FRMPD4: variants seen among roughly 807,000 people sequenced by gnomAD.
FRMPD4 encodes FERM and PDZ domain containing 4, also known as FERM and PDZ domain-containing protein 4.
In FRMPD4, 22 loss-of-function variants were observed where a neutral mutation model predicts 94.1. The observed-to-expected ratio is 0.23, with a 90% CI of 0.17 to 0.33. FRMPD4 has a LOEUF of 0.33. Among genes scored for constraint, FRMPD4 ranks in the 10% least tolerant of loss-of-function variants. The pLI, the probability that FRMPD4 is intolerant of heterozygous loss-of-function variation, is 1.00. For synonymous variants in FRMPD4, 631 were observed against 548.6 expected (o/e 1.15, Z -2.10); for missense variants, 1,111 against 1,339.9 (o/e 0.83, Z 2.67).
intron 3 of FRMPD4, among the ~76,000 whole-genome samples, chrX:12,088,437 T>A (rs1204416740): frequency 8.9e-6 from 1 of 111,879 alleles, no homozygotes; most frequent in Non-Finnish European, 1.9e-5. Flanking sequence ...AAACATTCAG[T>A]CCATTGCACA....
At chrX:11,889,952 G>A (rs926103774) in intron 3 of FRMPD4, among the ~76,000 whole-genome samples, 1 of 112,224 alleles carries the variant, frequency 8.9e-6, no homozygotes, top group Non-Finnish European at 1.9e-5. Context: ...CTAAGGCTTA[G>A]GCCTGGAAAT....
intron 2 of FRMPD4, among the ~76,000 whole-genome samples, chrX:12,560,991 G>T (rs1182422585): frequency 9.5e-6 from 1 of 105,656 alleles, no homozygotes. Context: ...GGATGGTCTC[G>T]ATCTCCTGAC....
chrX:11,941,733 G>A (rs2054161109), intron 3 of FRMPD4, among the ~76,000 whole-genome samples: 1 of 112,220 alleles, frequency 8.9e-6, no homozygotes, highest in African/African-American at 3.2e-5. Flanking sequence ...CTTAGGCAAG[G>A]GAGACTAAAG....
intron 1 of FRMPD4, among the ~76,000 whole-genome samples, chrX:12,231,009 A>ATAGTAT (rs1458353727): frequency 0.065 from 2,898 of 44,708 alleles, 259 homozygotes; most frequent in Non-Finnish European, 0.093. Context: ...TATAATATAT[A>ATAGTAT]GTATATATAG....
At chrX:11,969,005 G>A (rs1037682099) in intron 3 of FRMPD4, among the ~76,000 whole-genome samples, 1 of 112,301 alleles carries the variant, frequency 8.9e-6, no homozygotes, top group East Asian at 2.8e-4. Context: ...CCACTTATGT[G>A]AGGCAGTGAA....
rs145358416 is a variant in FRMPD4, at chrX:12,106,511, G to A, written c.95+228493G>A. On this transcript the variant is annotated intron_variant, in intron 3 of 18. Coordinates refer to the FRMPD4 transcript ENST00000640291. ...GACAGGTGATTTCTGCATTTCCAACGGACGTACCGGGTTCATCTCACTGGG... is the reference window on the plus strand; with the variant it reads ...GACAGGTGATTTCTGCATTTCCAACAGACGTACCGGGTTCATCTCACTGGG... 6.5e-3 allele frequency among the ~76,000 whole-genome samples: 716 copies of A among 110,932 alleles called. 6 individuals are homozygous for A. Among genetic ancestry groups the A allele is most frequent in the African/African-American group, 0.023 (688 of 30,505 alleles).
In FRMPD4 at chrX:12,591,866, A is replaced by G. The variant is rs894528442; in HGVS notation, c.159-17855A>G. On this transcript the variant is annotated intron_variant, in intron 2 of 16. Transcript: ENST00000675598. ...ATACCTCAAAGTATGGTGCCTTGGC[A>G]TGCTGAGTACTTTGAACTAAAGAAG... Among the ~76,000 whole-genome samples the G allele has an allele frequency of 6.3e-5, 7 of 111,675 alleles. No homozygotes were observed. The Admixed American group carries it at 6.7e-4, about 11-fold the overall frequency.
chrX:12,573,828 G>A (rs2058782802), intron 2 of FRMPD4, among the ~76,000 whole-genome samples: 1 of 111,906 alleles, frequency 8.9e-6, no homozygotes, highest in African/African-American at 3.2e-5. Flanking sequence ...TTTTGGATGT[G>A]TGATCTCACA....
In FRMPD4 at chrX:12,279,906, G is replaced by A. The variant is rs941587871; in HGVS notation, c.41+140894G>A. ...GGAAAGAACCAGATGGCCTGGGCTC[G>A]ATTCCAACTCTGACTCCTACCAGCA... is the stretch of plus-strand genomic sequence containing the variant. On this transcript the variant is annotated intron_variant, in intron 1 of 16. Transcript: ENST00000675598. Among the ~76,000 whole-genome samples the A allele has an allele frequency of 4.5e-5, 5 of 111,122 alleles. No individual in the cohort carries two copies. The South Asian group carries it at 1.2e-3, about 26-fold the overall frequency.
chrX:12,418,015 AAC>A (rs2056830742), intron 1 of FRMPD4, among the ~76,000 whole-genome samples: 1 of 108,423 alleles, frequency 9.2e-6, no homozygotes, highest in Non-Finnish European at 1.9e-5. Flanking sequence ...AAAAAAAACA[AAC>A]AACAACAACA....
intron 2 of FRMPD4, among the ~76,000 whole-genome samples, chrX:12,566,706 C>G (rs1453154371): frequency 1.8e-5 from 2 of 111,997 alleles, no homozygotes; most frequent in African/African-American, 6.5e-5. Context: ...TTGCTTTTCT[C>G]TGAGGAGTGC....
chrX:12,357,844 C>T (rs1484742714), intron 1 of FRMPD4, among the ~76,000 whole-genome samples: 1 of 111,904 alleles, frequency 8.9e-6, no homozygotes, highest in Non-Finnish European at 1.9e-5. Flanking sequence ...GTTGTGCAAG[C>T]ATCACCATAA....
At chrX:12,418,337 T>C (rs2056835684) in intron 1 of FRMPD4, among the ~76,000 whole-genome samples, 2 of 99,336 alleles carry the variant, frequency 2.0e-5, no homozygotes, top group African/African-American at 7.4e-5. Flanking sequence ...TGAGCATCCA[T>C]CAGTGTTTCT....
At chrX:12,024,303 A>G (rs1361475648) in intron 3 of FRMPD4, among the ~76,000 whole-genome samples, 3 of 112,207 alleles carry the variant, frequency 2.7e-5, no homozygotes, top group Non-Finnish European at 5.6e-5. Context: ...ATACTCATGC[A>G]TGTACACACC....
chrX:12,641,945 T>G (rs1233145957), intron 4 of FRMPD4, among the ~76,000 whole-genome samples: 1 of 111,839 alleles, frequency 8.9e-6, no homozygotes, highest in East Asian at 2.8e-4. Flanking sequence ...CCAAGTGCAA[T>G]GAAAATGTTT....
chrX:12,693,664 C>A (rs1193180511), intron 8 of FRMPD4, among the ~76,000 whole-genome samples: 1 of 112,057 alleles, frequency 8.9e-6, no homozygotes, highest in South Asian at 3.7e-4. Context: ...GTTTTCATTG[C>A]AATAGTCAGT....
chrX:11,865,652 A>G (rs987684203), intron 2 of FRMPD4, among the ~76,000 whole-genome samples: 95 of 112,194 alleles, frequency 8.5e-4, no homozygotes, highest in African/African-American at 3.0e-3. Flanking sequence ...GCTGAGGTTC[A>G]TATGTCTAAT....
intron 1 of FRMPD4, among the ~76,000 whole-genome samples, chrX:12,173,181 C>T (rs910516842): frequency 8.9e-6 from 1 of 112,702 alleles, no homozygotes; most frequent in Non-Finnish European, 1.9e-5. Flanking sequence ...GATGAGGAAG[C>T]CTTAAGTGAC....
chrX:12,029,029 T>C, intron 3 of FRMPD4, among the ~76,000 whole-genome samples: 1 of 112,018 alleles, frequency 8.9e-6, no homozygotes, highest in Admixed American at 9.5e-5. Flanking sequence ...ATGGTAAGAG[T>C]ATGTTTAGTT....
Sources: gnomAD v4.1 joint callset for allele counts (sites outside exome capture counted in the v4.1 genomes callset) on GRCh38, gnomAD v4.1.1 for gene constraint, MANE v1.5 for transcripts, NCBI Gene and HGNC (gene_info 2026-07-23, HGNC 2026-07-21) for gene names.